The following KALRN variants were observed in gnomAD, a reference collection of about 807,000 sequenced individuals.
KALRN encodes kalirin.
A neutral mutation model predicts 353.7 loss-of-function variants in KALRN; 70 were observed. The ratio of observed to expected loss-of-function variants is 0.20; its 90% confidence interval spans 0.16 to 0.24. The LOEUF (loss-of-function observed/expected upper bound fraction) is 0.24, where lower values mean the gene tolerates loss of function less well. Ranked by LOEUF, KALRN falls within the 10% of genes least tolerant of loss-of-function variation. The probability of loss-of-function intolerance (pLI) is 1.00; values close to 1 mark genes in which losing one functional copy is unlikely to be tolerated. For missense variants in KALRN, 2,791 were observed against 3,756.7 expected (o/e 0.74, Z 6.72); for synonymous variants, 1,391 against 1,434.8 (o/e 0.97, Z 0.69).
intron 49 of KALRN, 78 bp from the exon 50 acceptor site, chr3:124,678,112 C>A: frequency 3.3e-6 from 5 of 1,526,568 alleles, no homozygotes; most frequent in Non-Finnish European, 4.5e-6. Context: ...TGCTGACTCA[C>A]CCAAGGGTGG....
At chr3:124,604,259 C>G (rs1034361775) in intron 34 of KALRN, among the ~76,000 whole-genome samples, 1 of 152,188 alleles carries the variant, frequency 6.6e-6, no homozygotes, top group Non-Finnish European at 1.5e-5. Flanking sequence ...ACTAACTCGT[C>G]ATCTAGCATT....
chr3:124,654,264 G>A (rs2083742172), intron 38 of KALRN, among the ~76,000 whole-genome samples: 1 of 152,218 alleles, frequency 6.6e-6, no homozygotes, highest in African/African-American at 2.4e-5. Context: ...TGGAGAGGGA[G>A]CTGTTGGAAG....
intron 27 of KALRN, among the ~76,000 whole-genome samples, chr3:124,480,805 A>G (rs2061908340): frequency 6.6e-6 from 1 of 152,182 alleles, no homozygotes; most frequent in Non-Finnish European, 1.5e-5. Context: ...GAGTCATAAT[A>G]CATGGTCTTT....
chr3:124,368,368 C>G (rs1044979690), intron 10 of KALRN, among the ~76,000 whole-genome samples: 1 of 148,832 alleles, frequency 6.7e-6, no homozygotes, highest in Non-Finnish European at 1.5e-5. Flanking sequence ...CAGAGACGCT[C>G]CTCACCTCCC....
chr3:124,106,784 A>T (rs766805041), intron 1 of KALRN, among the ~76,000 whole-genome samples: 1 of 152,056 alleles, frequency 6.6e-6, no homozygotes, highest in Non-Finnish European at 1.5e-5. Flanking sequence ...CCAAATTGAG[A>T]CCTCTTTCCA....
chr3:124,687,719 A>C (rs1559849793), intron 51 of KALRN, among the ~76,000 whole-genome samples: 1 of 148,020 alleles, frequency 6.8e-6, no homozygotes, highest in Non-Finnish European at 1.5e-5. Flanking sequence ...AAACCTCAAC[A>C]AAAAACAAGG....
intron 49 of KALRN, among the ~76,000 whole-genome samples, chr3:124,675,827 G>A (rs1327823149): frequency 2.6e-5 from 4 of 152,124 alleles, no homozygotes; most frequent in Admixed American, 1.3e-4. Context: ...CATGGAAGAC[G>A]TGGTGCAGGG....
chr3:124,285,971 G>A (rs1342132487), intron 5 of KALRN, among the ~76,000 whole-genome samples: 1 of 151,784 alleles, frequency 6.6e-6, no homozygotes, highest in Non-Finnish European at 1.5e-5. Flanking sequence ...GTATTGGACG[G>A]CACTGTACTA....
At chr3:124,181,307 TAACTC>T (rs1462907825) in intron 1 of KALRN, among the ~76,000 whole-genome samples, 1 of 151,972 alleles carries the variant, frequency 6.6e-6, no homozygotes, top group Non-Finnish European at 1.5e-5. Context: ...AGACCCAAAA[TAACTC>T]ATATCATAAG....
chr3:124,533,807 C>T (rs2068276039), intron 33 of KALRN, among the ~76,000 whole-genome samples: 1 of 152,100 alleles, frequency 6.6e-6, no homozygotes, highest in African/African-American at 2.4e-5. Context: ...AGCATAATTC[C>T]CCACTCTAAC....
intron 1 of KALRN, chr3:124,163,580 G>T (rs1233653704): frequency 2.0e-6 from 2 of 984,360 alleles, no homozygotes; most frequent in Non-Finnish European, 1.2e-6. Context: ...ATGTTTTGCT[G>T]GACACATAAT....
chr3:124,270,500 C>T (rs1168589805), intron 5 of KALRN, among the ~76,000 whole-genome samples: 1 of 152,074 alleles, frequency 6.6e-6, no homozygotes, highest in Non-Finnish European at 1.5e-5. Flanking sequence ...TTTTTTATAA[C>T]ATATAGTAAA....
chr3:124,173,435 G>A (rs1204811519), intron 1 of KALRN, among the ~76,000 whole-genome samples: 1 of 152,208 alleles, frequency 6.6e-6, no homozygotes, highest in African/African-American at 2.4e-5. Flanking sequence ...AGGCCTTGCA[G>A]AAGTGATGCT....
intron 6 of KALRN, among the ~76,000 whole-genome samples, chr3:124,306,663 A>G (rs1580759131): frequency 6.6e-6 from 1 of 152,330 alleles, no homozygotes; most frequent in South Asian, 2.1e-4. Context: ...AACTCCAAGT[A>G]GGATAAATTC....
chr3:124,163,812 TG>T, intron 1 of KALRN: 1 of 985,544 alleles, frequency 1.0e-6, no homozygotes, highest in African/African-American at 1.7e-5. Flanking sequence ...ATCTTGCTCC[TG>T]GGCCACCTGA....
intron 27 of KALRN, among the ~76,000 whole-genome samples, chr3:124,480,484 C>G (rs1353385390): frequency 6.6e-6 from 1 of 152,144 alleles, no homozygotes; most frequent in Non-Finnish European, 1.5e-5. Context: ...CTAATTCTAG[C>G]TTAGGGCATG....
chr3:124,441,027 A>G (rs372948491), intron 18 of KALRN, among the ~76,000 whole-genome samples: 1 of 152,264 alleles, frequency 6.6e-6, no homozygotes, highest in East Asian at 1.9e-4. Flanking sequence ...GGTAGGTAAT[A>G]TAACAGCTGT....
chr3:124,275,487 CT>C (rs754350710), intron 5 of KALRN, among the ~76,000 whole-genome samples: 18 of 152,116 alleles, frequency 1.2e-4, no homozygotes, highest in Non-Finnish European at 1.9e-4. Flanking sequence ...ACCCTACTCC[CT>C]TGAGGTTTTG....
At chr3:124,225,235 C>A (rs1222667696) in intron 1 of KALRN, among the ~76,000 whole-genome samples, 1 of 152,136 alleles carries the variant, frequency 6.6e-6, no homozygotes, top group Non-Finnish European at 1.5e-5. Context: ...CTCTACTTGG[C>A]TTTACATAAT....
Sources: allele counts gnomAD v4.1 joint callset (sites outside exome capture counted in the v4.1 genomes callset), GRCh38; gene constraint gnomAD v4.1.1; transcripts MANE v1.5; gene names NCBI Gene and HGNC (gene_info 2026-07-23, HGNC 2026-07-21).